The following DNM3 variants were observed in gnomAD, a reference collection of about 807,000 sequenced individuals.
DNM3 encodes dynamin-3.
DNM3 carries 47 observed loss-of-function variants against 101.6 expected under a neutral mutation model. That is an observed-to-expected ratio of 0.46 (90% CI 0.37 to 0.59). DNM3 has a LOEUF of 0.59. DNM3 is among the 20% of genes least tolerant of loss of function. DNM3 has a pLI of 0.00. For synonymous variants in DNM3, 385 were observed against 387.9 expected, an observed-to-expected ratio of 0.99 and a Z score of 0.09; for missense variants, 849 against 1,085.7, an observed-to-expected ratio of 0.78 and a Z score of 3.06.
At chr1:172,286,929 C>T (rs962581832) in intron 15 of DNM3, among the ~76,000 whole-genome samples, 9 of 152,216 alleles carry the variant, frequency 5.9e-5, no homozygotes, top group African/African-American at 2.2e-4. Context: ...CCAGTAATCA[C>T]AACCACAGCT....
intron 4 of DNM3, among the ~76,000 whole-genome samples, chr1:171,993,368 G>A (rs981796099): frequency 1.3e-5 from 2 of 151,650 alleles, no homozygotes; most frequent in Non-Finnish European, 2.9e-5. Context: ...TTTACTTAAA[G>A]TTTTTTTCCT....
chr1:172,403,065 A>G (rs2070620994), intron 20 of DNM3, among the ~76,000 whole-genome samples: 1 of 152,194 alleles, frequency 6.6e-6, no homozygotes, highest in Non-Finnish European at 1.5e-5. Flanking sequence ...GGGAACTCTG[A>G]TGCAAGGTCC....
chr1:172,150,050 G>T (rs2058070795), intron 14 of DNM3, among the ~76,000 whole-genome samples: 2 of 152,072 alleles, frequency 1.3e-5, no homozygotes, highest in South Asian at 4.1e-4. Context: ...TAATCTTCTA[G>T]TATATACAAA....
At chr1:171,861,582 A>G (rs2034184902) in intron 1 of DNM3, among the ~76,000 whole-genome samples, 1 of 152,130 alleles carries the variant, frequency 6.6e-6, no homozygotes, top group Non-Finnish European at 1.5e-5. Context: ...ATATATACAG[A>G]TTAACTCAAA....
At chr1:172,026,888 C>T (rs2048243848) in intron 4 of DNM3, among the ~76,000 whole-genome samples, 2 of 152,056 alleles carry the variant, frequency 1.3e-5, no homozygotes, top group Non-Finnish European at 2.9e-5. Flanking sequence ...CTCCTGACCT[C>T]GTGATCCACC....
intron 4 of DNM3, among the ~76,000 whole-genome samples, chr1:172,021,554 A>T (rs1232212805): frequency 6.6e-6 from 1 of 152,224 alleles, no homozygotes; most frequent in Non-Finnish European, 1.5e-5. Context: ...AGGACAAAAA[A>T]CATAAACTGT....
intron 14 of DNM3, among the ~76,000 whole-genome samples, chr1:172,209,916 A>G (rs1349349388): frequency 6.6e-6 from 1 of 152,166 alleles, no homozygotes; most frequent in African/African-American, 2.4e-5. Flanking sequence ...ATCAAAATGC[A>G]CTAGCAAGTG....
rs114323068 is a variant in DNM3, at chr1:171,845,382, C to G, written c.161+3565C>G. ...TGGGCAACGTAGTGAGATCTTGTCT[C>G]TACAGAAAAACCAAAAAATAATTAG... On this transcript the variant is annotated intron_variant, in intron 1 of 20. Transcript: ENST00000627582. Among the ~76,000 whole-genome samples, 709 of 152,230 alleles carry G rather than the reference C, an allele frequency of 4.7e-3. 7 individuals are homozygous for G. Among genetic ancestry groups the G allele is most frequent in the African/African-American group, 0.017 (687 of 41,550 alleles).
At chr1:172,238,064 C>T (rs2061610285) in intron 14 of DNM3, among the ~76,000 whole-genome samples, 1 of 152,102 alleles carries the variant, frequency 6.6e-6, no homozygotes. Flanking sequence ...CATTACCATA[C>T]TATAAATACA....
chr1:172,079,113 G>A (rs1301065604), intron 11 of DNM3, among the ~76,000 whole-genome samples: 3 of 152,118 alleles, frequency 2.0e-5, no homozygotes, highest in African/African-American at 7.2e-5. Flanking sequence ...TGCTCTTCTT[G>A]AGGAGTATCT....
chr1:172,274,253 C>A lies in DNM3; in HGVS notation c.1769+20571C>A, dbSNP rs115490159. 3.2e-3 allele frequency among the ~76,000 whole-genome samples: 484 copies of A among 152,092 alleles called. 3 individuals carry two copies. The highest frequency in any genetic ancestry group is 0.011 in the African/African-American group (444 of 41,492). On this transcript the variant is annotated intron_variant, in intron 15 of 20. Coordinates refer to ENST00000627582, the MANE Select transcript of DNM3 (RefSeq NM_015569.5). ...TTTACTCCCTTTAACTACCATTGCT[C>A]TTTGCTGAGTGATGATGCAGGGCAG...
chr1:172,122,990 A>G (rs2056411341), intron 13 of DNM3, among the ~76,000 whole-genome samples: 1 of 152,196 alleles, frequency 6.6e-6, no homozygotes, highest in Non-Finnish European at 1.5e-5. Context: ...GCACCGAGTA[A>G]TATTTAGTAA....
intron 14 of DNM3, among the ~76,000 whole-genome samples, chr1:172,214,937 A>C (rs1396523580): frequency 3.3e-5 from 5 of 152,144 alleles, no homozygotes; most frequent in Non-Finnish European, 7.4e-5. Flanking sequence ...AAAGTGCCGA[A>C]GTAATTGATC....
At chr1:171,937,375 C>T (rs918044007) in intron 2 of DNM3, among the ~76,000 whole-genome samples, 3 of 152,024 alleles carry the variant, frequency 2.0e-5, no homozygotes, top group Non-Finnish European at 4.4e-5. Flanking sequence ...TGTTCTGCTT[C>T]ACTGCTGGTT....
chr1:171,854,596 T>C (rs2033377376), intron 1 of DNM3, among the ~76,000 whole-genome samples: 1 of 152,130 alleles, frequency 6.6e-6, no homozygotes, highest in Non-Finnish European at 1.5e-5. Flanking sequence ...TTAATGCCCA[T>C]TTAAAATCCT....
At chr1:172,150,515 A>G (rs1329966075) in intron 14 of DNM3, among the ~76,000 whole-genome samples, 9 of 152,124 alleles carry the variant, frequency 5.9e-5, no homozygotes, top group African/African-American at 2.2e-4. Context: ...GTTAGTTAGT[A>G]TTTTGTTTTG....
chr1:172,411,775 A>G lies in DNM3; in HGVS notation c.*3934A>G, dbSNP rs1573796008. On this transcript the variant is annotated 3_prime_UTR_variant, in exon 21 of 21. Transcript: ENST00000627582. ...TTGAACTCATGAAAGAAGATAGTGT[A>G]TGAGACTTAAGCCATGAGTTTTGTA... 1 of 985,578 alleles carries G rather than the reference A, an allele frequency of 1.0e-6. No individual in the cohort carries two copies. 61.1% of individuals were successfully genotyped at this position (985,578 alleles called of 1,614,324 possible). A position where few individuals can be genotyped will look rare whatever the true frequency, so the allele number is the denominator to read the frequency against.
chr1:172,034,026 T>G (rs2048792768), intron 6 of DNM3, among the ~76,000 whole-genome samples: 1 of 152,198 alleles, frequency 6.6e-6, no homozygotes, highest in South Asian at 2.1e-4. Flanking sequence ...ATGCTTTAAC[T>G]GTTACATACA....
chr1:171,998,084 G>T (rs1326139407), intron 4 of DNM3, among the ~76,000 whole-genome samples: 1 of 152,124 alleles, frequency 6.6e-6, no homozygotes, highest in Admixed American at 6.5e-5. Context: ...CAAGCAGCTG[G>T]TAAGAGGCTG....
Sources: gnomAD v4.1 joint callset for allele counts (sites outside exome capture counted in the v4.1 genomes callset) on GRCh38, gnomAD v4.1.1 for gene constraint, MANE v1.5 for transcripts, NCBI Gene and HGNC (gene_info 2026-07-23, HGNC 2026-07-21) for gene names.